The following KSR2 variants were observed in gnomAD, a reference collection of about 807,000 sequenced individuals.
KSR2 encodes the protein kinase suppressor of ras 2.
In KSR2, 25 loss-of-function variants were observed where a neutral mutation model predicts 107.8. The observed-to-expected ratio is 0.23, with a 90% CI of 0.17 to 0.32. KSR2 has a LOEUF of 0.32. KSR2 is among the 10% of genes least tolerant of loss of function. The pLI, the probability that KSR2 is intolerant of heterozygous loss-of-function variation, is 1.00. For missense variants in KSR2, 887 were observed against 1,268.9 expected (o/e 0.70, Z 4.57); for synonymous variants, 480 against 507.0 (o/e 0.95, Z 0.71).
chr12:117,804,164 C>T (rs1411354220), intron 3 of KSR2, among the ~76,000 whole-genome samples: 2 of 152,170 alleles, frequency 1.3e-5, no homozygotes, highest in Non-Finnish European at 2.9e-5. Flanking sequence ...CTGCCTCGGC[C>T]TCCGGAGTAG....
chr12:117,549,066 A>G (rs1011225877), intron 9 of KSR2, among the ~76,000 whole-genome samples: 2 of 152,208 alleles, frequency 1.3e-5, no homozygotes, highest in African/African-American at 2.4e-5. Context: ...ACCACCTGCC[A>G]CGCAAGACCA....
intron 3 of KSR2, among the ~76,000 whole-genome samples, chr12:117,847,195 C>T (rs969952190): frequency 2.6e-5 from 4 of 152,168 alleles, no homozygotes; most frequent in Non-Finnish European, 5.9e-5. Flanking sequence ...CAGCCTTTCC[C>T]AAGTTAGAAG....
rs767216772 is a variant in KSR2, at chr12:117,463,459, C to T, written c.*3740G>A. ...AAGTTTTTGACTGTGTGGGCCACAT[C>T]GTCTCTGTTGCAAATAGCTGGCTCT... is the stretch of plus-strand genomic sequence containing the variant. On this transcript the variant is annotated 3_prime_UTR_variant, in exon 20 of 20. Coordinates refer to ENST00000339824, the MANE Select transcript of KSR2 (RefSeq NM_173598.6). 4 of 152,330 alleles carry T rather than the reference C, an allele frequency of 2.6e-5. No individual in the cohort carries two copies. Among genetic ancestry groups the T allele is most frequent in the East Asian group, 1.9e-4 (1 of 5,180 alleles). 9.4% of individuals were successfully genotyped at this position (152,330 alleles called of 1,614,324 possible).
At chr12:117,941,240 C>T (rs1040432557) in intron 1 of KSR2, among the ~76,000 whole-genome samples, 2 of 151,880 alleles carry the variant, frequency 1.3e-5, no homozygotes, top group Non-Finnish European at 2.9e-5. Flanking sequence ...ACCATGTCAC[C>T]CCCAAACATT....
intron 1 of KSR2, among the ~76,000 whole-genome samples, chr12:117,938,516 C>A (rs1895910438): frequency 6.6e-6 from 1 of 151,514 alleles, no homozygotes; most frequent in Non-Finnish European, 1.5e-5. Flanking sequence ...ATGTAACTAA[C>A]CTGCACATTG....
At chr12:117,790,961 A>G (rs1303813219) in intron 3 of KSR2, among the ~76,000 whole-genome samples, 5 of 152,140 alleles carry the variant, frequency 3.3e-5, no homozygotes, top group African/African-American at 7.2e-5. Flanking sequence ...CCATTTGACT[A>G]GAACAATGGA....
intron 1 of KSR2, among the ~76,000 whole-genome samples, chr12:117,860,971 G>A (rs949010872): frequency 2.0e-5 from 3 of 152,042 alleles, no homozygotes; most frequent in African/African-American, 2.4e-5. Flanking sequence ...CACCCGCCTC[G>A]GCCTCCCAAA....
intron 3 of KSR2, among the ~76,000 whole-genome samples, chr12:117,799,535 AATTTTAT>A (rs1191251910): frequency 6.6e-6 from 1 of 152,134 alleles, no homozygotes; most frequent in African/African-American, 2.4e-5. Context: ...AGAATGGCAC[AATTTTAT>A]ATTGTATCTA....
intron 1 of KSR2, among the ~76,000 whole-genome samples, chr12:117,931,949 C>G (rs1353048094): frequency 1.3e-5 from 2 of 152,102 alleles, no homozygotes; most frequent in Non-Finnish European, 2.9e-5. Context: ...ACATTATGCC[C>G]AAGGTTATGG....
intron 7 of KSR2, among the ~76,000 whole-genome samples, chr12:117,566,568 G>T (rs369063534): frequency 1.3e-5 from 2 of 152,164 alleles, no homozygotes; most frequent in African/African-American, 4.8e-5. Flanking sequence ...ACATGATCTC[G>T]TTCTTTTGTA....
rs1409645501 is a variant in KSR2 at position 117,740,425 on chromosome 12, GT to G, written c.986+20585del. On this transcript the variant is annotated intron_variant, in intron 4 of 19. Coordinates refer to ENST00000339824, the MANE Select transcript of KSR2 (RefSeq NM_173598.6). ...TGTACTATATACATATATTATATAT[GT>G]TATATATTACATTAATATATGTATA... Among the ~76,000 whole-genome samples, 21 of 114,260 alleles carry G rather than the reference GT, an allele frequency of 1.8e-4. 1 individual carries two copies. Among genetic ancestry groups the G allele is most frequent in the South Asian group, 8.5e-4 (3 of 3,510 alleles). The allele number at this position is 114,260 out of a possible 152,430, so 75.0% of individuals were successfully genotyped here. A position where few individuals can be genotyped will look rare whatever the true frequency, so the allele number is the denominator to read the frequency against.
intron 1 of KSR2, among the ~76,000 whole-genome samples, chr12:117,933,829 C>A (rs538062052): frequency 2.0e-5 from 3 of 152,068 alleles, no homozygotes; most frequent in Non-Finnish European, 4.4e-5. Context: ...CTTGCCCAAG[C>A]GACACACAGC....
chr12:117,536,683 A>G (rs996527766), intron 10 of KSR2, among the ~76,000 whole-genome samples: 6 of 152,218 alleles, frequency 3.9e-5, no homozygotes, highest in South Asian at 2.1e-4. Flanking sequence ...ATATCTTTCC[A>G]TGTCAGGAAA....
chr12:117,964,128 A>C (rs1896731853), intron 1 of KSR2, among the ~76,000 whole-genome samples: 1 of 152,116 alleles, frequency 6.6e-6, no homozygotes, highest in South Asian at 2.1e-4. Context: ...AAACACAAAA[A>C]TTACCAGGGC....
chr12:117,759,763 T>C (rs1215758284), intron 4 of KSR2, among the ~76,000 whole-genome samples: 1 of 152,248 alleles, frequency 6.6e-6, no homozygotes, highest in African/African-American at 2.4e-5. Context: ...TGGCATATTT[T>C]ACTCTTAGCA....
rs763550641 is a variant in KSR2 at position 117,901,237 on chromosome 12, T to C, written c.181-40806A>G. ...AATAAAGTAGACAATAAACATATGA[T>C]ACAATAAATATACACCAAAATACAA... is the stretch of plus-strand genomic sequence containing the variant. On this transcript the variant is annotated intron_variant, in intron 1 of 19. Coordinates refer to ENST00000339824, the MANE Select transcript of KSR2 (RefSeq NM_173598.6). Among the ~76,000 whole-genome samples the C allele has an allele frequency of 1.1e-3, 160 of 151,752 alleles. 1 individual carries two copies. The highest frequency in any genetic ancestry group is 1.0e-3 in the Non-Finnish European group (71 of 67,940).
At position 117,503,436 on chromosome 12, in the gene KSR2, C is replaced by T. The variant is rs182383064; in HGVS notation, c.2220-17745G>A. Among the ~76,000 whole-genome samples, 29 of 152,202 alleles carry T rather than the reference C, an allele frequency of 1.9e-4. 1 individual carries two copies. The East Asian group carries it at 4.6e-3, about 24-fold the overall frequency. On this transcript the variant is annotated intron_variant, in intron 14 of 19. Transcript: ENST00000339824. ...TGAAAAGTAGGATGTTTTTATTGGC[C>T]TGGTTGGGGTATTTTAAAGTGCATT...
At chr12:117,594,952 G>T (rs1167289904) in intron 5 of KSR2, among the ~76,000 whole-genome samples, 1 of 145,710 alleles carries the variant, frequency 6.9e-6, no homozygotes, top group Non-Finnish European at 1.5e-5. Flanking sequence ...AATGTCAACA[G>T]TGCCTAACTG....
chr12:117,846,554 C>G (rs1445247801), intron 3 of KSR2, among the ~76,000 whole-genome samples: 1 of 152,148 alleles, frequency 6.6e-6, no homozygotes, highest in East Asian at 1.9e-4. Flanking sequence ...CCTCCTGCCT[C>G]AAGCCCCACA....
Sources: gnomAD v4.1 joint callset for allele counts (sites outside exome capture counted in the v4.1 genomes callset) on GRCh38, gnomAD v4.1.1 for gene constraint, MANE v1.5 for transcripts, NCBI Gene and HGNC (gene_info 2026-07-23, HGNC 2026-07-21) for gene names.